Variants in DPP6 observed in about 807,000 individuals in gnomAD.
DPP6 encodes the protein dipeptidyl peptidase like 6.
A neutral mutation model predicts 122.6 loss-of-function variants in DPP6; 69 were observed. The ratio of observed to expected loss-of-function variants is 0.56; its 90% CI spans 0.46 to 0.69. DPP6 has a LOEUF of 0.69. Ranked by LOEUF, DPP6 falls within the 30% of genes least tolerant of loss-of-function variation. The probability of loss-of-function intolerance (pLI) is 0.00; values close to 1 mark genes in which losing one functional copy is unlikely to be tolerated. For missense variants in DPP6, 928 were observed against 1,116.9 expected (o/e 0.83, Z 2.41); for synonymous variants, 418 against 433.1 (o/e 0.97, Z 0.43).
At chr7:153,833,233 T>C in the DPP6 span, among the ~76,000 whole-genome samples, 1 of 152,230 alleles carries the variant, frequency 6.6e-6, no homozygotes, top group Non-Finnish European at 1.5e-5. Context: ...TGGATGCAAC[T>C]AATCTCCTAA....
At chr7:154,143,870 T>C (rs1274588291) in intron 1 of DPP6, among the ~76,000 whole-genome samples, 1 of 152,232 alleles carries the variant, frequency 6.6e-6, no homozygotes, top group Non-Finnish European at 1.5e-5. Flanking sequence ...TGCCGTTTTT[T>C]GTACATATAT....
chr7:153,777,112 A>G, the DPP6 span, among the ~76,000 whole-genome samples: 1 of 152,350 alleles, frequency 6.6e-6, no homozygotes, highest in Non-Finnish European at 1.5e-5. Flanking sequence ...GTGTGGATGC[A>G]AAACAAACAC....
intron 1 of DPP6, among the ~76,000 whole-genome samples, chr7:154,165,960 T>C (rs1048846843): frequency 2.6e-5 from 4 of 152,216 alleles, no homozygotes; most frequent in Non-Finnish European, 4.4e-5. Context: ...AATGAGCAGT[T>C]TTAAGATACT....
chr7:154,877,227 C>T lies in DPP6; in HGVS notation c.2078+1127C>T, dbSNP rs1249353750. 6.6e-6 allele frequency: 1 copy of T among 152,206 alleles called. No individual in the cohort carries two copies. The highest frequency in any genetic ancestry group is 2.4e-5 in the African/African-American group (1 of 41,436). 9.4% of individuals were successfully genotyped at this position (152,206 alleles called of 1,614,324 possible). On this transcript the variant is annotated intron_variant, in intron 20 of 25. Transcript: ENST00000377770. This position sits in a 1 kb window ranked among gnomAD's most constrained non-coding sequence, Gnocchi z 5.2. ...GAGCGTGTGAATGAATGGTTCCGGT[C>T]CTCCTCCAGGGAGCTATGAGCTGGG...
At chr7:154,479,752 G>A (rs1268932151) in intron 3 of DPP6, among the ~76,000 whole-genome samples, 1 of 151,892 alleles carries the variant, frequency 6.6e-6, no homozygotes, top group Non-Finnish European at 1.5e-5. Flanking sequence ...TGCCATTCTG[G>A]GACTCCACTC....
At chr7:153,902,915 T>A in intron 1 of DPP6, among the ~76,000 whole-genome samples, 1 of 152,180 alleles carries the variant, frequency 6.6e-6, no homozygotes, top group East Asian at 1.9e-4. Flanking sequence ...TCCTCCTGAT[T>A]TTCAACAGGA....
chr7:154,878,523 T>C (rs1237812566), intron 20 of DPP6, among the ~76,000 whole-genome samples: 1 of 152,214 alleles, frequency 6.6e-6, no homozygotes, highest in Non-Finnish European at 1.5e-5. Context: ...GGTCTGCATT[T>C]TCATTCATCA....
intron 6 of DPP6, among the ~76,000 whole-genome samples, chr7:154,646,301 C>T (rs940958652): frequency 1.2e-4 from 18 of 152,224 alleles, no homozygotes; most frequent in Middle Eastern, 3.4e-3. Context: ...TTCTCCCATC[C>T]GGCTGTGTAA....
intron 1 of DPP6, among the ~76,000 whole-genome samples, chr7:154,146,517 C>T (rs1796090210): frequency 6.6e-6 from 1 of 152,174 alleles, no homozygotes; most frequent in African/African-American, 2.4e-5. Flanking sequence ...TCTTTCCCTC[C>T]CTCCCTGCCT....
chr7:154,553,581 G>GA (rs1416282977), intron 4 of DPP6, among the ~76,000 whole-genome samples: 1 of 151,980 alleles, frequency 6.6e-6, no homozygotes, highest in Non-Finnish European at 1.5e-5. Context: ...TTAAAACTCA[G>GA]AAAAAAGAGG....
At chr7:153,764,085 T>C in the DPP6 span, among the ~76,000 whole-genome samples, 1 of 152,202 alleles carries the variant, frequency 6.6e-6, no homozygotes, top group East Asian at 1.9e-4. Context: ...TTTTTGAAGA[T>C]AACATAGCTT....
At chr7:154,574,108 T>G (rs1831296537) in intron 5 of DPP6, among the ~76,000 whole-genome samples, 1 of 152,254 alleles carries the variant, frequency 6.6e-6, no homozygotes, top group Non-Finnish European at 1.5e-5. Flanking sequence ...AAGCACAAGC[T>G]TAGGCATAGA....
intron 3 of DPP6, among the ~76,000 whole-genome samples, chr7:154,523,455 A>G (rs1300515672): frequency 6.6e-6 from 1 of 152,152 alleles, no homozygotes; most frequent in Non-Finnish European, 1.5e-5. Flanking sequence ...GTATCTTCCC[A>G]TACATCCACA....
rs142969424 is a variant in DPP6 at position 154,014,049 on chromosome 7, G to A, written c.51+126315G>A. Among the ~76,000 whole-genome samples the A allele has an allele frequency of 4.7e-3, 709 of 152,220 alleles. 26 individuals carry two copies. In the East Asian group the frequency reaches 0.067, roughly 14 times the overall value. On this transcript the variant is annotated intron_variant, in intron 1 of 25. Transcript: ENST00000404039. ...CCCTGGCCAGTGCAGCTCTTCCTTA[G>A]GTTCTAGAACCACTACCTAATACCT...
intron 3 of DPP6, among the ~76,000 whole-genome samples, chr7:154,490,404 G>T (rs1417422975): frequency 4.6e-5 from 7 of 152,224 alleles, no homozygotes; most frequent in Admixed American, 6.5e-5. Flanking sequence ...GCAGTCTTTT[G>T]CAAGCCAGGC....
At chr7:154,691,724 C>T (rs1839941062) in intron 7 of DPP6, among the ~76,000 whole-genome samples, 1 of 152,088 alleles carries the variant, frequency 6.6e-6, no homozygotes, top group South Asian at 2.1e-4. Context: ...GAAGCTGAGG[C>T]AGGAGAATCG....
chr7:154,260,346 A>G (rs1408325393), intron 1 of DPP6, among the ~76,000 whole-genome samples: 2 of 152,140 alleles, frequency 1.3e-5, no homozygotes, highest in East Asian at 3.9e-4. Flanking sequence ...TTGGTTACAC[A>G]AGTAAGTTCT....
the DPP6 span, among the ~76,000 whole-genome samples, chr7:153,754,232 AT>A: frequency 7.9e-5 from 12 of 152,098 alleles, no homozygotes; most frequent in Admixed American, 4.6e-4. Context: ...ATAGAAATGC[AT>A]TTTTTTTTGT....
intron 5 of DPP6, among the ~76,000 whole-genome samples, chr7:154,567,376 T>C (rs1057509337): frequency 6.6e-6 from 1 of 152,226 alleles, no homozygotes. Context: ...ATGCCTATTT[T>C]TAGCACTTCC....
Sources: gnomAD v4.1 joint callset for allele counts (sites outside exome capture counted in the v4.1 genomes callset) on GRCh38, gnomAD v4.1.1 for gene constraint, Gnocchi (gnomAD v3.1) non-coding constraint, MANE v1.5 for transcripts, NCBI Gene and HGNC (gene_info 2026-07-23, HGNC 2026-07-21) for gene names.